Variants in OPLAH observed in about 807,000 individuals in gnomAD.
OPLAH encodes 5-oxoprolinase, ATP-hydrolysing, also known as 5-oxoprolinase.
OPLAH carries 103 observed loss-of-function variants against 122.8 expected under a neutral mutation model. The observed-to-expected ratio is 0.84, with a 90% CI of 0.71 to 0.99. OPLAH has a LOEUF of 0.99. Ranked by LOEUF, OPLAH falls within the 50% of genes least tolerant of loss-of-function variation. The probability of loss-of-function intolerance (pLI) is 0.00; values close to 1 mark genes in which losing one functional copy is unlikely to be tolerated. For synonymous variants in OPLAH, 875 were observed against 796.0 expected (o/e 1.10, Z -1.67); for missense variants, 1,902 against 1,836.5 (o/e 1.04, Z -0.65).
intron 3 of OPLAH, 35 bp from the exon 4 acceptor site, chr8:144,059,114 C>T (rs1554760292): frequency 1.3e-6 from 2 of 1,513,140 alleles, no homozygotes; most frequent in Admixed American, 3.9e-5. Context: ...GAGGCCCAGG[C>T]CTGAGGGTCC....
chr8:144,062,041 G>A (rs1377927443), upstream of OPLAH, among the ~76,000 whole-genome samples: 5 of 151,726 alleles, frequency 3.3e-5, no homozygotes, highest in African/African-American at 1.2e-4. Flanking sequence ...AAAAAAATGG[G>A]CAACCAGCAG....
At position 144,059,864 on chromosome 8, in the gene OPLAH, G is replaced by C; in HGVS notation, c.169C>G (p.Gln57Glu). The change falls in exon 2 of 27, where the codon CAG becomes GAG. Residue 57 changes from glutamine (Q) to glutamate (E), a missense_variant and splice_region_variant. Coordinates refer to ENST00000618853, the MANE Select transcript of OPLAH (RefSeq NM_017570.5). ...PTEGIRRILE[Q>E]EAGMLLPRDQ... is the part of the protein sequence containing the mutation. Reference sequence around the variant, plus strand: ...CCACCCGCTCCGCCCTGGCCCACCTGCTCCAGGATGCGGCGGATGCCTTCG... The same window carrying C: ...CCACCCGCTCCGCCCTGGCCCACCTCCTCCAGGATGCGGCGGATGCCTTCG... 1.9e-6 allele frequency: 3 copies of C among 1,612,684 alleles called. No homozygotes were observed. The highest frequency in any genetic ancestry group is 2.5e-6 in the Non-Finnish European group (3 of 1,179,792).
In OPLAH at chr8:144,058,084, A is replaced by G; in HGVS notation, c.1014T>C (p.Ala338=). ...EFEHVFEAST[A]GVTLQAPQLD... ...GCTGCGGGGCCTGGAGGGTGACGCCAGCTGTGCTGGCCTCGAAGACGTGCT... is the reference window on the plus strand; with the variant it reads ...GCTGCGGGGCCTGGAGGGTGACGCCGGCTGTGCTGGCCTCGAAGACGTGCT... Residue 338 remains alanine, a synonymous_variant, in exon 8 of 27, where the codon GCT becomes GCC. Transcript: ENST00000618853. 1 of 1,612,490 alleles carries G rather than the reference A, an allele frequency of 6.2e-7. No homozygotes were observed. The highest frequency in any genetic ancestry group is 1.3e-5 in the African/African-American group (1 of 75,014).
At chr8:144,059,306 G>A (rs868980431) in intron 3 of OPLAH, among the ~76,000 whole-genome samples, 15 of 152,334 alleles carry the variant, frequency 9.8e-5, no homozygotes, top group Middle Eastern at 3.4e-3. Flanking sequence ...AGCTTCTTCC[G>A]GAAACGCAGC....
At chr8:144,059,368 GC>G (rs1185581770) in intron 3 of OPLAH, among the ~76,000 whole-genome samples, 5 of 152,186 alleles carry the variant, frequency 3.3e-5, no homozygotes, top group Admixed American at 2.0e-4. Context: ...AGCTTGGGTG[GC>G]CCCACACCAG....
Position 144,057,230 on chromosome 8 carries a change from TG to T in OPLAH, c.1512del (p.Met505TrpfsTer47). 6.2e-7 allele frequency: 1 copy of T among 1,612,148 alleles called. No individual in the cohort carries two copies. The highest frequency in any genetic ancestry group is 8.5e-7 in the Non-Finnish European group (1 of 1,179,666). ...QHACAIARAL[G>X]MDTVHIHRHS... is the part of the protein sequence containing the mutation. ...CACCTGTGGATGTGCACCGTGTCCA[TG>T]CCCAGGGCCCGGGCGATGGCACATG... On this transcript the variant is annotated frameshift_variant, in exon 11 of 27. Transcript: ENST00000618853. LOFTEE classifies it high-confidence loss of function.
chr8:144,062,092 C>T (rs954132216), upstream of OPLAH, among the ~76,000 whole-genome samples: 6 of 151,920 alleles, frequency 3.9e-5, no homozygotes, highest in Non-Finnish European at 5.9e-5. Flanking sequence ...ATTCTTTATT[C>T]CTCTACTTTC....
At position 144,057,207 on chromosome 8, in the gene OPLAH, C is replaced by A; in HGVS notation, c.1535+1G>T. On this transcript the variant is annotated splice_donor_variant, in intron 11 of 26. Transcript: ENST00000618853. LOFTEE classifies it high-confidence loss of function. Reference sequence around the variant, plus strand: ...CTCCGTGCACCCACACCCAGGCCCACCTGTGGATGTGCACCGTGTCCATGC... The same window carrying A: ...CTCCGTGCACCCACACCCAGGCCCAACTGTGGATGTGCACCGTGTCCATGC... The A allele has an allele frequency of 2.5e-6, 4 of 1,611,160 alleles. No homozygotes were observed. The highest frequency in any genetic ancestry group is 3.4e-6 in the Non-Finnish European group (4 of 1,179,308).
chr8:144,057,328 G>C lies in OPLAH; in HGVS notation c.1423-8C>G. 1 of 1,608,904 alleles carries C rather than the reference G, an allele frequency of 6.2e-7. No homozygotes were observed. Among genetic ancestry groups the C allele is most frequent in the Non-Finnish European group, 8.5e-7 (1 of 1,178,232 alleles). ...GGGGTCATGGCCTCTTGCCTAGGGA[G>C]ACAGAAGGGGTCAGTGGGCTCTCCT... On this transcript the variant is annotated splice_region_variant and splice_polypyrimidine_tract_variant and intron_variant, in intron 10 of 26. Coordinates refer to ENST00000618853, the MANE Select transcript of OPLAH (RefSeq NM_017570.5).
rs782343821 is a variant in OPLAH, at chr8:144,054,713, C to T, written c.2534G>A (p.Arg845Gln). 26 of 1,612,208 alleles carry T rather than the reference C, an allele frequency of 1.6e-5. No individual in the cohort carries two copies. The highest frequency in any genetic ancestry group is 1.6e-4 in the Middle Eastern group (1 of 6,082). The change falls in exon 19 of 27, where the codon CGG (arginine) becomes CAG (glutamine). Residue 845 changes from arginine (R) to glutamine (Q), a missense_variant. Physicochemically the swap from Arg to Gln is conservative, Grantham distance 43 (BLOSUM62 1). This residue lies in a region of OPLAH where 1,726 missense variants were observed against 1,642.1 expected (regional missense o/e 1.05). Transcript: ENST00000618853. ...TCGGCTGGCCACATAGAACACAGGC[C>T]GCGTCTGACCCGGCCAAAACACCTA... Reference protein sequence around the residue: ...ITPVFWPGQTRPVFYVASRGH... With the variant: ...ITPVFWPGQTQPVFYVASRGH...
downstream of OPLAH, chr8:144,050,643 G>C (rs1462931203): frequency 9.1e-6 from 9 of 985,470 alleles, no homozygotes; most frequent in Non-Finnish European, 1.1e-5. Flanking sequence ...CGCGCTTGGG[G>C]GGAGGGTACC....
In OPLAH at chr8:144,052,833, G is replaced by GC. The variant is rs1835418611; in HGVS notation, c.3085dup (p.Ala1029GlyfsTer121). The GC allele has an allele frequency of 6.4e-7, 1 of 1,556,756 alleles. No individual in the cohort carries two copies. Among genetic ancestry groups the GC allele is most frequent in the East Asian group, 2.4e-5 (1 of 41,184 alleles). On this transcript the variant is annotated frameshift_variant, in exon 22 of 27. Transcript: ENST00000618853. LOFTEE classifies it high-confidence loss of function. ...GTAGATGAGGGCGGACAGGGTTACG[G>GC]CCCGCGGTGCGTTGAGATTACCAAA...
chr8:144,050,991 G>C (rs782049487), downstream of OPLAH: 27 of 1,090,464 alleles, frequency 2.5e-5, no homozygotes, highest in Non-Finnish European at 2.9e-5. Flanking sequence ...CGGCCTTCCC[G>C]GCAGAAGCCG....
In OPLAH at chr8:144,060,098, G is replaced by A; in HGVS notation, c.-53-13C>T. Reference sequence around the variant, plus strand: ...AGCCCTGGAAAAACTGGACGGAGGCGGGGTCAGCCCGGGCTCACCTGCGAG... The same window carrying A: ...AGCCCTGGAAAAACTGGACGGAGGCAGGGTCAGCCCGGGCTCACCTGCGAG... On this transcript the variant is annotated splice_polypyrimidine_tract_variant and intron_variant, in intron 1 of 26. Coordinates refer to ENST00000618853, the MANE Select transcript of OPLAH (RefSeq NM_017570.5). 6.5e-7 allele frequency: 1 copy of A among 1,534,884 alleles called. No individual in the cohort carries two copies. Among genetic ancestry groups the A allele is most frequent in the Non-Finnish European group, 8.8e-7 (1 of 1,138,092 alleles).
At position 144,051,742 on chromosome 8, in the gene OPLAH, G is replaced by A; in HGVS notation, c.3707C>T (p.Thr1236Ile). ...CGCGGCCCTTACCCCGGGGTACACG[G>A]TCACCGACGTCTTGCCGCCCAGATT... ...TVNLGGKTSV[T>I]VYPGDVFCLH... The change falls in exon 26 of 27, where the codon ACC becomes ATC. Residue 1236 changes from threonine (T) to isoleucine (I), a missense_variant. Around this residue, in one of 3 missense-constraint regions of OPLAH, gnomAD observed 1,726 missense variants for 1,642.1 expected, o/e 1.05. Transcript: ENST00000618853. 1.2e-6 allele frequency: 2 copies of A among 1,604,802 alleles called. No homozygotes were observed. The highest frequency in any genetic ancestry group is 2.2e-5 in the East Asian group (1 of 44,694).
chr8:144,061,119 C>A (rs559330692), upstream of OPLAH, among the ~76,000 whole-genome samples: 7 of 152,368 alleles, frequency 4.6e-5, no homozygotes, highest in Admixed American at 1.3e-4. Context: ...GTATCTCTGG[C>A]CTTCTTCACC....
rs782329895 is a variant in OPLAH at position 144,059,790 on chromosome 8, C to T, written c.172G>A (p.Glu58Lys). 6.2e-7 allele frequency: 1 copy of T among 1,608,492 alleles called. No individual in the cohort carries two copies. Among genetic ancestry groups the T allele is most frequent in the Non-Finnish European group, 8.5e-7 (1 of 1,178,592 alleles). Residue 58 changes from glutamate (E) to lysine (K), a missense_variant and splice_region_variant, in exon 3 of 27, where the codon GAG becomes AAG. Glu to Lys is a moderately conservative substitution (Grantham distance 56). Coordinates refer to ENST00000618853, the MANE Select transcript of OPLAH (RefSeq NM_017570.5). ...TEGIRRILEQ[E>K]AGMLLPRDQP... ...TCCCGGGGCAGGAGCATGCCGGCCT[C>T]CTGGGGACCACGTGGTCAGTGTGGG...
chr8:144,050,934 C>G (rs1189674785), downstream of OPLAH: 16 of 1,022,434 alleles, frequency 1.6e-5, no homozygotes, highest in Non-Finnish European at 1.9e-5. Context: ...ACACCGCCCC[C>G]CTACCAGGGC....
intron 3 of OPLAH, 63 bp downstream of exon 3, chr8:144,059,536 G>T: frequency 6.6e-7 from 1 of 1,508,040 alleles, no homozygotes; most frequent in South Asian, 1.3e-5. Context: ...CTCCCCACAG[G>T]GTCAAGGCAT....
Sources: allele counts gnomAD v4.1 joint callset (sites outside exome capture counted in the v4.1 genomes callset), GRCh38; gene constraint gnomAD v4.1.1; regional missense constraint gnomAD v4.1.1; transcripts MANE v1.5; gene names NCBI Gene and HGNC (gene_info 2026-07-23, HGNC 2026-07-21).